The following SDK2 variants were observed in gnomAD, a reference collection of about 807,000 sequenced individuals.
The protein encoded by SDK2 is sidekick cell adhesion molecule 2.
SDK2 carries 105 observed loss-of-function variants against 253.9 expected under a neutral mutation model. That is an observed-to-expected ratio of 0.41 (90% CI 0.35 to 0.49). The LOEUF is 0.49. SDK2 is among the 20% of genes least tolerant of loss of function. SDK2 has a pLI of 0.06. For synonymous variants in SDK2, 1,249 were observed against 1,234.9 expected (o/e 1.01, Z -0.24); for missense variants, 2,608 against 3,003.0 (o/e 0.87, Z 3.07).
chr17:73,364,368 A>AGAGC (rs1280424682), intron 38 of SDK2, among the ~76,000 whole-genome samples: 2 of 152,168 alleles, frequency 1.3e-5, no homozygotes, highest in Non-Finnish European at 2.9e-5. Context: ...GTTAAGGACA[A>AGAGC]GAGCGAGGTC....
chr17:73,350,605 A>G (rs1385749560), intron 42 of SDK2, 45 bp downstream of exon 42: 2 of 1,584,974 alleles, frequency 1.3e-6, no homozygotes, highest in African/African-American at 1.4e-5. Context: ...AAGGAGATAC[A>G]TAAAACTCAA....
chr17:73,536,580 C>A (rs904757455), intron 1 of SDK2, among the ~76,000 whole-genome samples: 1 of 152,206 alleles, frequency 6.6e-6, no homozygotes, highest in Non-Finnish European at 1.5e-5. Context: ...GGGGGCCACA[C>A]AGAGACAGCT....
At chr17:73,348,870 G>T in intron 43 of SDK2, 145 bp from the exon 44 acceptor site, 2 of 651,806 alleles carry the variant, frequency 3.1e-6, no homozygotes, top group Non-Finnish European at 5.1e-6. Context: ...CCTTCCAGGG[G>T]CCCGGGCCTG....
chr17:73,554,078 G>A (rs2045106886), intron 1 of SDK2, among the ~76,000 whole-genome samples: 1 of 152,066 alleles, frequency 6.6e-6, no homozygotes, highest in South Asian at 2.1e-4. Flanking sequence ...CCTAACCCTG[G>A]AGCAGATCCC....
At chr17:73,556,164 A>G (rs1277674765) in intron 1 of SDK2, among the ~76,000 whole-genome samples, 1 of 152,218 alleles carries the variant, frequency 6.6e-6, no homozygotes, top group Non-Finnish European at 1.5e-5. Flanking sequence ...GACCCCAGAC[A>G]TCGGGAATGG....
At chr17:73,613,381 T>TGGCCCCA (rs1232254103) in intron 1 of SDK2, among the ~76,000 whole-genome samples, 189 of 35,546 alleles carry the variant, frequency 5.3e-3, no homozygotes, top group Middle Eastern at 0.029. Flanking sequence ...CAGGTCCCCC[T>TGGCCCCA]GGCCCCAGGC....
At chr17:73,346,362 G>A (rs191203920) in intron 44 of SDK2, among the ~76,000 whole-genome samples, 1 of 152,074 alleles carries the variant, frequency 6.6e-6, no homozygotes, top group Non-Finnish European at 1.5e-5. Flanking sequence ...CCATTGGCTC[G>A]GAATTTCTTT....
chr17:73,452,617 G>A (rs934500842), intron 4 of SDK2, among the ~76,000 whole-genome samples: 1 of 152,042 alleles, frequency 6.6e-6, no homozygotes, highest in African/African-American at 2.4e-5. Flanking sequence ...ATGGGAGTAG[G>A]TTGTAGAAAG....
At chr17:73,429,703 A>G (rs2063311219) in intron 12 of SDK2, among the ~76,000 whole-genome samples, 1 of 152,194 alleles carries the variant, frequency 6.6e-6, no homozygotes, top group African/African-American at 2.4e-5. Flanking sequence ...ACACGCAGGG[A>G]ATATTTATTT....
chr17:73,386,165 T>C (rs367701821), intron 31 of SDK2, among the ~76,000 whole-genome samples: 6 of 152,192 alleles, frequency 3.9e-5, no homozygotes, highest in African/African-American at 1.4e-4. Flanking sequence ...CTCAGAGCCA[T>C]AGACCACTTC....
At chr17:73,376,129 G>A (rs368856590) in intron 36 of SDK2, among the ~76,000 whole-genome samples, 2 of 151,884 alleles carry the variant, frequency 1.3e-5, no homozygotes, top group South Asian at 4.2e-4. Flanking sequence ...GGGAGGTGGG[G>A]GTTGCAGTGA....
chr17:73,425,237 C>G (rs950545369), intron 12 of SDK2, among the ~76,000 whole-genome samples: 3 of 151,732 alleles, frequency 2.0e-5, no homozygotes, highest in Non-Finnish European at 2.9e-5. Flanking sequence ...CACAAAAAGC[C>G]CCCCCAAAAA....
intron 1 of SDK2, among the ~76,000 whole-genome samples, chr17:73,545,719 C>A (rs183329352): frequency 1.3e-5 from 2 of 152,176 alleles, no homozygotes; most frequent in African/African-American, 2.4e-5. Flanking sequence ...CTGGATGATA[C>A]AACCATCAGC....
intron 14 of SDK2, among the ~76,000 whole-genome samples, 154 bp from the exon 15 acceptor site, chr17:73,422,588 T>G (rs1197822027): frequency 6.6e-6 from 1 of 152,148 alleles, no homozygotes; most frequent in Non-Finnish European, 1.5e-5. Flanking sequence ...GCCATTTTTC[T>G]AGGTCCCATT....
intron 18 of SDK2, among the ~76,000 whole-genome samples, chr17:73,403,593 C>T (rs966062605): frequency 2.0e-5 from 3 of 152,136 alleles, no homozygotes; most frequent in African/African-American, 4.8e-5. Context: ...TTAATAAGCA[C>T]GGGTATTTAT....
intron 31 of SDK2, among the ~76,000 whole-genome samples, 160 bp from the exon 32 acceptor site, chr17:73,386,077 T>C (rs903474972): frequency 1.3e-5 from 2 of 151,214 alleles, no homozygotes; most frequent in African/African-American, 4.9e-5. Flanking sequence ...AAAGGGCTGG[T>C]GTAAAGGGGA....
Position 73,534,954 on chromosome 17 carries a change from C to T in SDK2, c.65-27357G>A, listed in dbSNP as rs2044749948. Among the ~76,000 whole-genome samples, 1 of 152,196 alleles carries T rather than the reference C, an allele frequency of 6.6e-6. No homozygotes were observed. Among genetic ancestry groups the T allele is most frequent in the South Asian group, 2.1e-4 (1 of 4,832 alleles). On this transcript the variant is annotated intron_variant, in intron 1 of 44. Transcript: ENST00000392650. This position sits in a 1 kb window ranked among gnomAD's most constrained non-coding sequence, Gnocchi z 4.9. The stretch of plus-strand genomic sequence containing the variant: ...CCAGGAGGAGGGAGGCAGCCTGAAA[C>T]TCCAAGGGGCAGGTGGGGTCTCTAG...
chr17:73,617,809 T>C (rs2046080720), intron 1 of SDK2, among the ~76,000 whole-genome samples: 1 of 152,128 alleles, frequency 6.6e-6, no homozygotes, highest in Admixed American at 6.5e-5. Context: ...CAGGACATCA[T>C]AAGAGGGAGC....
rs1329257562 is a variant in SDK2 at position 73,481,784 on chromosome 17, T to C, written c.225-9566A>G. 6.6e-6 allele frequency among the ~76,000 whole-genome samples: 1 copy of C among 152,182 alleles called. No homozygotes were observed. Among genetic ancestry groups the C allele is most frequent in the Non-Finnish European group, 1.5e-5 (1 of 68,022 alleles). ...CTCTAGGACTTACACCCATGGGCTC[T>C]CGGTTTCCAGGCCTTTGGGCCCAGA... On this transcript the variant is annotated intron_variant, in intron 2 of 44. Coordinates refer to ENST00000392650, the MANE Select transcript of SDK2 (RefSeq NM_001144952.2). This position sits in a 1 kb window ranked among gnomAD's most constrained non-coding sequence, Gnocchi z 4.5.
Sources: gnomAD v4.1 joint callset for allele counts (sites outside exome capture counted in the v4.1 genomes callset) on GRCh38, gnomAD v4.1.1 for gene constraint, Gnocchi (gnomAD v3.1) non-coding constraint, MANE v1.5 for transcripts, NCBI Gene and HGNC (gene_info 2026-07-23, HGNC 2026-07-21) for gene names.